The following VPS45 variants were observed in gnomAD, a reference collection of about 807,000 sequenced individuals.
The protein encoded by VPS45 is vacuolar protein sorting 45 homolog.
VPS45 carries 35 observed loss-of-function variants against 75.9 expected under a neutral mutation model. The ratio of observed to expected loss-of-function variants is 0.46; its 90% CI spans 0.35 to 0.61. The LOEUF (loss-of-function observed/expected upper bound fraction) is 0.61. Ranked by LOEUF, VPS45 falls within the 20% of genes least tolerant of loss-of-function variation. The probability of loss-of-function intolerance (pLI) is 0.00; values close to 1 mark genes in which losing one functional copy is unlikely to be tolerated. For missense variants in VPS45, 559 were observed against 685.9 expected, an observed-to-expected ratio of 0.81 and a Z score of 2.07; for synonymous variants, 220 against 238.2, an observed-to-expected ratio of 0.92 and a Z score of 0.70.
intron 14 of VPS45, among the ~76,000 whole-genome samples, chr1:150,113,700 A>C (rs772625655): frequency 1.8e-4 from 27 of 151,964 alleles, no homozygotes; most frequent in South Asian, 6.2e-4. Flanking sequence ...GTTTGAGACC[A>C]GCCTGGCCAA....
intron 13 of VPS45, among the ~76,000 whole-genome samples, chr1:150,100,209 A>C (rs1020126865): frequency 6.6e-6 from 1 of 152,192 alleles, no homozygotes. Context: ...CTGAAAGCCA[A>C]ATCAGAAAGC....
chr1:150,072,060 A>G, intron 2 of VPS45, 106 bp from the exon 3 acceptor site: 1 of 837,260 alleles, frequency 1.2e-6, no homozygotes, highest in Non-Finnish European at 1.8e-6. Flanking sequence ...CTAGACTTCA[A>G]TATGCAGTAG....
chr1:150,106,702 C>T (rs1042518443), intron 13 of VPS45, among the ~76,000 whole-genome samples: 1 of 152,116 alleles, frequency 6.6e-6, no homozygotes, highest in African/African-American at 2.4e-5. Flanking sequence ...TTTCCACAGG[C>T]TATAATCATA....
At chr1:150,090,806 A>G (rs1314045664) in intron 10 of VPS45, among the ~76,000 whole-genome samples, 1 of 152,152 alleles carries the variant, frequency 6.6e-6, no homozygotes, top group Non-Finnish European at 1.5e-5. Flanking sequence ...TTTGATTGTT[A>G]TTTTGTTTTG....
chr1:150,076,803 T>C, intron 4 of VPS45, 113 bp from the exon 5 acceptor site: 1 of 1,133,214 alleles, frequency 8.8e-7, no homozygotes, highest in Non-Finnish European at 1.3e-6. Flanking sequence ...AGTATCTCTT[T>C]ACACCTGTAT....
Position 150,092,209 on chromosome 1 carries a change from C to A in VPS45, c.1264-93C>A. The A allele has an allele frequency of 2.0e-6, 3 of 1,520,526 alleles. No individual in the cohort carries two copies. The South Asian group carries it at 3.7e-5, about 19-fold the overall frequency. 94.2% of individuals were successfully genotyped at this position (1,520,526 alleles called of 1,614,324 possible). A position where few individuals can be genotyped will look rare whatever the true frequency, so the allele number is the denominator to read the frequency against. ...TATTTACAGAAATGTATAATTCTGT[C>A]TTTTCATTTTTGTTTCCTTAATAAA... On this transcript the variant is annotated intron_variant, in intron 11 of 14. Coordinates refer to ENST00000644510, the MANE Select transcript of VPS45 (RefSeq NM_007259.5).
At chr1:150,092,515 T>G in intron 12 of VPS45, 106 bp downstream of exon 12, 2 of 904,316 alleles carry the variant, frequency 2.2e-6, no homozygotes, top group Non-Finnish European at 3.3e-6. Flanking sequence ...TGCTGCTAAT[T>G]TAGTACTGTG....
Position 150,093,546 on chromosome 1 carries a change from C to T in VPS45, c.1391C>T (p.Thr464Ile). The change falls in exon 13 of 15, where the codon ACA becomes ATA. Residue 464 changes from threonine to isoleucine, a missense_variant. By Grantham distance (89) the Thr-to-Ile change is moderately conservative (BLOSUM62 -1). Transcript: ENST00000644510. Reference sequence around the variant, plus strand: ...TTTTAGGGAGTAGAAAATGTATATACACAGCATCAACCTTTCCTACATGAA... The same window carrying T: ...TTTTAGGGAGTAGAAAATGTATATATACAGCATCAACCTTTCCTACATGAA... ...KGLKGVENVY[T>I]QHQPFLHETL... The T allele has an allele frequency of 6.2e-7, 1 of 1,613,754 alleles. No homozygotes were observed. Among genetic ancestry groups the T allele is most frequent in the Middle Eastern group, 1.7e-4 (1 of 6,058 alleles).
intron 10 of VPS45, among the ~76,000 whole-genome samples, chr1:150,088,161 C>G (rs1317248391): frequency 6.6e-6 from 1 of 151,986 alleles, no homozygotes; most frequent in Non-Finnish European, 1.5e-5. Flanking sequence ...AATAGAACAC[C>G]AGAACATATT....
intron 1 of VPS45, 138 bp from the exon 2 acceptor site, chr1:150,068,492 G>A: frequency 1.4e-6 from 1 of 718,028 alleles, no homozygotes; most frequent in Non-Finnish European, 2.0e-6. Flanking sequence ...CTACCTGTTT[G>A]GATGTTCAGT....
intron 10 of VPS45, 140 bp from the exon 11 acceptor site, chr1:150,091,797 G>T: frequency 1.5e-6 from 1 of 662,016 alleles, no homozygotes; most frequent in Non-Finnish European, 2.4e-6. Context: ...TTCTATAGTT[G>T]AGACAGTTGC....
chr1:150,124,570 CAG>C (rs1472511521), intron 14 of VPS45, among the ~76,000 whole-genome samples: 2 of 114,228 alleles, frequency 1.8e-5, no homozygotes, highest in Non-Finnish European at 3.6e-5. Context: ...TTTTTTGAGA[CAG>C]AGTCTCGCCC....
At chr1:150,103,767 A>T (rs56375233) in intron 13 of VPS45, among the ~76,000 whole-genome samples, 3,270 of 152,270 alleles carry the variant, frequency 0.021, 96 homozygotes, top group African/African-American at 0.074. Flanking sequence ...GTGAAGCAAC[A>T]TCATTTTCCA....
intron 2 of VPS45, among the ~76,000 whole-genome samples, chr1:150,071,272 T>C (rs1427449193): frequency 6.6e-6 from 1 of 151,978 alleles, no homozygotes; most frequent in East Asian, 1.9e-4. Flanking sequence ...ATTTTGACCA[T>C]ATAAAAATCA....
At chr1:150,120,735 C>T (rs144573835) in intron 14 of VPS45, among the ~76,000 whole-genome samples, 94 of 152,160 alleles carry the variant, frequency 6.2e-4, no homozygotes, top group African/African-American at 2.1e-3. Flanking sequence ...TTCTATAGGG[C>T]CTGCTCTGAT....
intron 13 of VPS45, among the ~76,000 whole-genome samples, chr1:150,102,905 T>C (rs1427465397): frequency 6.6e-6 from 1 of 152,154 alleles, no homozygotes; most frequent in Admixed American, 6.6e-5. Flanking sequence ...ACAGAAAAGA[T>C]AACTATTGGG....
At chr1:150,122,633 T>C (rs1306916320) in intron 14 of VPS45, among the ~76,000 whole-genome samples, 1 of 152,078 alleles carries the variant, frequency 6.6e-6, no homozygotes, top group African/African-American at 2.4e-5. Context: ...AAGTCACCCA[T>C]TTGAAGTGTA....
At chr1:150,141,302 C>T (rs2101665234) in intron 14 of VPS45, among the ~76,000 whole-genome samples, 1 of 152,108 alleles carries the variant, frequency 6.6e-6, no homozygotes, top group South Asian at 2.1e-4. Flanking sequence ...GTTCTAGATT[C>T]CCCTTGGTGT....
At chr1:150,103,895 C>A (rs1205949494) in intron 13 of VPS45, among the ~76,000 whole-genome samples, 2 of 152,018 alleles carry the variant, frequency 1.3e-5, no homozygotes, top group East Asian at 3.9e-4. Flanking sequence ...GTCACTGTAC[C>A]CCTGCAAAGG....
Sources: allele counts gnomAD v4.1 joint callset (sites outside exome capture counted in the v4.1 genomes callset), GRCh38; gene constraint gnomAD v4.1.1; transcripts MANE v1.5; gene names NCBI Gene and HGNC (gene_info 2026-07-23, HGNC 2026-07-21).